The following LRP1B variants were observed in gnomAD, a reference collection of about 807,000 sequenced individuals.
LRP1B encodes the protein LDL receptor related protein 1B, also known as low-density lipoprotein receptor-related protein 1B.
In LRP1B, 217 loss-of-function variants were observed where a neutral mutation model predicts 556.6. That is an observed-to-expected ratio of 0.39 (90% CI 0.35 to 0.44). LRP1B has a LOEUF of 0.44. Ranked by LOEUF, LRP1B falls within the 20% of genes least tolerant of loss-of-function variation. The pLI, the probability that LRP1B is intolerant of heterozygous loss-of-function variation, is 1.00. For missense variants in LRP1B, 5,053 were observed against 5,620.8 expected, an observed-to-expected ratio of 0.90 and a Z score of 3.23; for synonymous variants, 2,047 against 1,865.8, an observed-to-expected ratio of 1.10 and a Z score of -2.50.
At chr2:141,860,497 C>A (rs978817944) in intron 1 of LRP1B, among the ~76,000 whole-genome samples, 12 of 152,104 alleles carry the variant, frequency 7.9e-5, no homozygotes, top group African/African-American at 2.7e-4. Context: ...CTTCCTCCTT[C>A]TCCTTGCAAA....
chr2:140,490,806 C>A (rs1312240813), intron 57 of LRP1B, among the ~76,000 whole-genome samples: 1 of 152,084 alleles, frequency 6.6e-6, no homozygotes, highest in East Asian at 1.9e-4. Context: ...TTTCCTTACT[C>A]AATGGGCACC....
At chr2:141,462,391 T>C (rs1450920455) in intron 3 of LRP1B, among the ~76,000 whole-genome samples, 4 of 151,120 alleles carry the variant, frequency 2.6e-5, no homozygotes, top group Admixed American at 1.3e-4. Context: ...TATTGTACAA[T>C]AAGAACAGGT....
intron 1 of LRP1B, among the ~76,000 whole-genome samples, chr2:142,079,280 G>A: frequency 6.6e-6 from 1 of 152,040 alleles, no homozygotes. Context: ...ATTTGTTTGT[G>A]TGTTGAGTTA....
chr2:140,941,156 T>C (rs914918946), intron 20 of LRP1B, among the ~76,000 whole-genome samples: 4 of 152,160 alleles, frequency 2.6e-5, no homozygotes, highest in Non-Finnish European at 5.9e-5. Flanking sequence ...TAAATTAATC[T>C]AGGAGAAACT....
At chr2:141,221,741 C>T (rs1401338938) in intron 6 of LRP1B, among the ~76,000 whole-genome samples, 1 of 152,034 alleles carries the variant, frequency 6.6e-6, no homozygotes, top group African/African-American at 2.4e-5. Flanking sequence ...TAGACCATAG[C>T]ACAATCAAAT....
intron 1 of LRP1B, among the ~76,000 whole-genome samples, chr2:141,924,782 T>C (rs1214056278): frequency 2.6e-5 from 4 of 152,174 alleles, no homozygotes; most frequent in Non-Finnish European, 5.9e-5. Context: ...TCCATGACAC[T>C]TGTGTTAAGG....
intron 3 of LRP1B, among the ~76,000 whole-genome samples, chr2:141,397,334 T>G (rs552432834): frequency 8.6e-4 from 130 of 152,014 alleles, no homozygotes; most frequent in African/African-American, 2.7e-3. Context: ...TAGTACTGTG[T>G]ATAGTATTTC....
At chr2:140,694,252 A>G (rs958173165) in intron 41 of LRP1B, among the ~76,000 whole-genome samples, 1 of 152,316 alleles carries the variant, frequency 6.6e-6, no homozygotes, top group East Asian at 1.9e-4. Flanking sequence ...GAAGCTGTTA[A>G]GTTCCTTACG....
intron 3 of LRP1B, among the ~76,000 whole-genome samples, chr2:141,325,305 C>A (rs1039608795): frequency 6.6e-6 from 1 of 151,964 alleles, no homozygotes; most frequent in African/African-American, 2.4e-5. Context: ...TTTTCTTGCA[C>A]TCTATGATAA....
intron 3 of LRP1B, among the ~76,000 whole-genome samples, chr2:141,421,712 CTTAAGA>C (rs1285638396): frequency 2.0e-4 from 30 of 152,008 alleles, no homozygotes; most frequent in African/African-American, 4.3e-4. Context: ...TGATTCTAAG[CTTAAGA>C]TTAAGTGTCT....
intron 15 of LRP1B, among the ~76,000 whole-genome samples, chr2:140,995,072 T>C (rs963300260): frequency 1.3e-5 from 2 of 152,012 alleles, no homozygotes; most frequent in Non-Finnish European, 2.9e-5. Flanking sequence ...TCTGCAAGCC[T>C]GGATGCTGGA....
intron 41 of LRP1B, chr2:140,683,888 G>A (rs1273878512): frequency 1.8e-6 from 1 of 548,068 alleles, no homozygotes; most frequent in Admixed American, 2.7e-5. Flanking sequence ...CTGGCAGACT[G>A]AGGGGTCCAT....
At chr2:142,071,590 T>A (rs1350758942) in intron 1 of LRP1B, among the ~76,000 whole-genome samples, 2 of 152,068 alleles carry the variant, frequency 1.3e-5, no homozygotes, top group East Asian at 3.9e-4. Flanking sequence ...ACAGTCACAC[T>A]CATTCCCTTG....
At chr2:142,055,145 G>C (rs1252294934) in intron 1 of LRP1B, among the ~76,000 whole-genome samples, 1 of 152,026 alleles carries the variant, frequency 6.6e-6, no homozygotes, top group African/African-American at 2.4e-5. Flanking sequence ...ATGGAGCTAA[G>C]GGTCTAGAGG....
At chr2:141,953,851 G>A (rs543968495) in intron 1 of LRP1B, among the ~76,000 whole-genome samples, 1 of 152,184 alleles carries the variant, frequency 6.6e-6, no homozygotes, top group Non-Finnish European at 1.5e-5. Flanking sequence ...CATATTGAGT[G>A]CTTGTCATAT....
chr2:140,710,339 G>A lies in LRP1B; in HGVS notation c.6023+5634C>T, dbSNP rs146860485. On this transcript the variant is annotated intron_variant, in intron 37 of 90. Transcript: ENST00000389484. ...AGTTTCAACCTCTTTTGTGACAACA[G>A]GAAAAGAGATATCATATTTAAGAAA... Among the ~76,000 whole-genome samples the A allele has an allele frequency of 1.5e-3, 223 of 152,060 alleles. 2 individuals are homozygous for A. The highest frequency in any genetic ancestry group is 5.2e-3 in the African/African-American group (217 of 41,540).
chr2:140,299,369 G>T (rs772387623), intron 83 of LRP1B, among the ~76,000 whole-genome samples: 30 of 152,160 alleles, frequency 2.0e-4, no homozygotes, highest in Middle Eastern at 3.4e-3. Flanking sequence ...TGCTCTAAAT[G>T]AACAAAGTAA....
At chr2:140,390,800 ACACAC>A (rs773608886) in intron 66 of LRP1B, among the ~76,000 whole-genome samples, 1 of 150,530 alleles carries the variant, frequency 6.6e-6, no homozygotes, top group Non-Finnish European at 1.5e-5. Flanking sequence ...ACACACACAC[ACACAC>A]AACATATTTG....
intron 43 of LRP1B, among the ~76,000 whole-genome samples, chr2:140,593,949 T>C (rs1180711561): frequency 6.6e-6 from 1 of 152,060 alleles, no homozygotes; most frequent in Non-Finnish European, 1.5e-5. Flanking sequence ...ATTTTTCAAA[T>C]CTCTACAAAC....
Sources: allele counts gnomAD v4.1 joint callset (sites outside exome capture counted in the v4.1 genomes callset), GRCh38; gene constraint gnomAD v4.1.1; transcripts MANE v1.5; gene names NCBI Gene and HGNC (gene_info 2026-07-23, HGNC 2026-07-21).